Variants in CAMK4 observed in about 807,000 individuals in gnomAD.
CAMK4 encodes calcium/calmodulin-dependent protein kinase type IV.
A neutral mutation model predicts 44.9 loss-of-function variants in CAMK4; 22 were observed. The ratio of observed to expected loss-of-function variants is 0.49; its 90% CI spans 0.35 to 0.70. The LOEUF (loss-of-function observed/expected upper bound fraction) is 0.70. Among genes scored for constraint, CAMK4 ranks in the 30% least tolerant of loss-of-function variants. The probability of loss-of-function intolerance (pLI) is 0.01; values close to 1 mark genes in which losing one functional copy is unlikely to be tolerated. For synonymous variants in CAMK4, 218 were observed against 215.4 expected (o/e 1.01, Z -0.11); for missense variants, 498 against 586.8 (o/e 0.85, Z 1.56).
In CAMK4 at chr5:111,324,733, C is replaced by A. The variant is rs191347118; in HGVS notation, c.162-19291C>A. The stretch of plus-strand genomic sequence containing the variant: ...TACAGAACATCAGATTAAATAACTG[C>A]AAAATATATTCCTTTTTGAGAACAC... On this transcript the variant is annotated intron_variant, in intron 1 of 10. Transcript: ENST00000282356. 6.6e-4 allele frequency among the ~76,000 whole-genome samples: 101 copies of A among 152,110 alleles called. 1 individual carries two copies. Among genetic ancestry groups the A allele is most frequent in the African/African-American group, 2.4e-3 (99 of 41,526 alleles).
Position 111,484,951 on chromosome 5 carries a change from T to C in CAMK4, c.*485T>C, listed in dbSNP as rs747647932. On this transcript the variant is annotated 3_prime_UTR_variant, in exon 11 of 11. Transcript: ENST00000282356. This position sits in a 1 kb window ranked among gnomAD's most constrained non-coding sequence, Gnocchi z 5.3. The stretch of plus-strand genomic sequence containing the variant: ...TGTGTTCAAACTGTTTACAAGGAGA[T>C]GCTTATAGATGATAGTTGTACATAT... 1 of 152,404 alleles carries C rather than the reference T, an allele frequency of 6.6e-6. No homozygotes were observed. The highest frequency in any genetic ancestry group is 1.5e-5 in the Non-Finnish European group (1 of 68,184). The allele number at this position is 152,404 out of a possible 1,614,324, so 9.4% of individuals were successfully genotyped here.
chr5:111,371,453 A>T (rs1046285757), intron 2 of CAMK4, among the ~76,000 whole-genome samples: 1 of 152,206 alleles, frequency 6.6e-6, no homozygotes, highest in Non-Finnish European at 1.5e-5. Flanking sequence ...ATCTTCTGAT[A>T]ACATTATGTA....
chr5:111,308,887 A>G (rs1255773479), intron 1 of CAMK4, among the ~76,000 whole-genome samples: 2 of 152,214 alleles, frequency 1.3e-5, no homozygotes, highest in Non-Finnish European at 2.9e-5. Flanking sequence ...AATAATTGAG[A>G]TATAATTAAC....
chr5:111,258,506 G>A (rs1276382706), intron 1 of CAMK4, among the ~76,000 whole-genome samples: 2 of 152,112 alleles, frequency 1.3e-5, no homozygotes, highest in Non-Finnish European at 2.9e-5. Flanking sequence ...AGTGGCAAGA[G>A]AAAAATGAGG....
intron 5 of CAMK4, among the ~76,000 whole-genome samples, chr5:111,427,052 T>A (rs2112930408): frequency 6.6e-6 from 1 of 152,098 alleles, no homozygotes; most frequent in South Asian, 2.1e-4. Flanking sequence ...GCATCACCCC[T>A]CCTCTAACCC....
At chr5:111,240,398 A>G (rs898821394) in intron 1 of CAMK4, among the ~76,000 whole-genome samples, 15 of 152,130 alleles carry the variant, frequency 9.9e-5, no homozygotes, top group African/African-American at 3.6e-4. Flanking sequence ...CATGGAAGAG[A>G]CTTATATTTA....
chr5:111,446,888 T>C (rs982530505), intron 6 of CAMK4, 112 bp downstream of exon 6: 2 of 736,490 alleles, frequency 2.7e-6, no homozygotes, highest in African/African-American at 3.5e-5. Context: ...TCAGTTTTCC[T>C]GAATAATTGA....
chr5:111,326,170 T>C (rs942588083), intron 1 of CAMK4, among the ~76,000 whole-genome samples: 6 of 151,936 alleles, frequency 3.9e-5, no homozygotes, highest in Non-Finnish European at 7.4e-5. Context: ...ATGCTAAAAG[T>C]TGGCCCTTTG....
At chr5:111,357,558 C>CAG (rs11471632) in intron 2 of CAMK4, among the ~76,000 whole-genome samples, 132,102 of 151,970 alleles carry the variant, frequency 0.87, 57,730 homozygotes, top group East Asian at 1. Context: ...TCACTGTAAA[C>CAG]AGGACGAAAA....
chr5:111,236,580 A>T (rs1417164999), intron 1 of CAMK4, among the ~76,000 whole-genome samples: 2 of 152,208 alleles, frequency 1.3e-5, no homozygotes, highest in African/African-American at 4.8e-5. Context: ...TTGGCTGCAC[A>T]GATGCCTCAG....
intron 5 of CAMK4, among the ~76,000 whole-genome samples, chr5:111,438,537 T>C (rs989275432): frequency 3.3e-5 from 5 of 152,188 alleles, no homozygotes; most frequent in African/African-American, 9.6e-5. Flanking sequence ...GTAAGTGTTA[T>C]AGTTAAATTT....
intron 2 of CAMK4, among the ~76,000 whole-genome samples, chr5:111,346,396 A>T (rs760583331): frequency 1.3e-5 from 2 of 151,890 alleles, no homozygotes; most frequent in Non-Finnish European, 2.9e-5. Flanking sequence ...TCCAACTAAC[A>T]ACTTTGGGAC....
At chr5:111,412,483 A>C (rs1178432360) in intron 5 of CAMK4, among the ~76,000 whole-genome samples, 1 of 152,240 alleles carries the variant, frequency 6.6e-6, no homozygotes, top group African/African-American at 2.4e-5. Context: ...AATATACTGG[A>C]AGGACAAAAT....
At chr5:111,408,120 G>A (rs201179743) in intron 5 of CAMK4, among the ~76,000 whole-genome samples, 33 of 116,130 alleles carry the variant, frequency 2.8e-4, no homozygotes, top group African/African-American at 1.7e-3. Flanking sequence ...GAAAGAAAGA[G>A]AGAGAGAGAG....
At chr5:111,478,235 A>C (rs1755315116) in intron 8 of CAMK4, 146 bp from the exon 9 acceptor site, 1 of 428,622 alleles carries the variant, frequency 2.3e-6, no homozygotes, top group African/African-American at 2.0e-5. Flanking sequence ...GTGAATTGTA[A>C]TAAGGCAGTT....
At chr5:111,241,114 AATAATT>A (rs1411024318) in intron 1 of CAMK4, among the ~76,000 whole-genome samples, 3 of 151,990 alleles carry the variant, frequency 2.0e-5, no homozygotes, top group Admixed American at 6.6e-5. Flanking sequence ...TTTGAATAAT[AATAATT>A]ATGACTTTTT....
intron 1 of CAMK4, among the ~76,000 whole-genome samples, chr5:111,278,981 C>G (rs1750887885): frequency 1.3e-5 from 2 of 152,188 alleles, no homozygotes; most frequent in South Asian, 2.1e-4. Context: ...AATACAACCT[C>G]TGGGGCAACC....
At chr5:111,316,239 C>T (rs1036251792) in intron 1 of CAMK4, among the ~76,000 whole-genome samples, 1 of 152,124 alleles carries the variant, frequency 6.6e-6, no homozygotes, top group Non-Finnish European at 1.5e-5. Flanking sequence ...GGAGATGTCG[C>T]CAGTCCCCTA....
At chr5:111,276,354 C>T (rs150774017) in intron 1 of CAMK4, among the ~76,000 whole-genome samples, 2 of 152,268 alleles carry the variant, frequency 1.3e-5, no homozygotes, top group African/African-American at 4.8e-5. Context: ...CCTACTCCCC[C>T]AAAATCTTGC....
Sources: allele counts gnomAD v4.1 joint callset (sites outside exome capture counted in the v4.1 genomes callset), GRCh38; gene constraint gnomAD v4.1.1; non-coding constraint Gnocchi (gnomAD v3.1); transcripts MANE v1.5; gene names NCBI Gene and HGNC (gene_info 2026-07-23, HGNC 2026-07-21).